DOCK9: variants seen among roughly 807,000 people sequenced by gnomAD.
The protein encoded by DOCK9 is dedicator of cytokinesis protein 9.
A neutral mutation model predicts 263.3 loss-of-function variants in DOCK9; 89 were observed. That is an observed-to-expected ratio of 0.34 (90% confidence interval 0.28 to 0.40). The LOEUF (loss-of-function observed/expected upper bound fraction) is 0.40, where lower values mean the gene tolerates loss of function less well. Ranked by LOEUF, DOCK9 falls within the 10% of genes least tolerant of loss-of-function variation. The pLI, the probability that DOCK9 is intolerant of heterozygous loss-of-function variation, is 1.00. For synonymous variants in DOCK9, 976 were observed against 973.1 expected, an observed-to-expected ratio of 1.00 and a Z score of -0.06; for missense variants, 2,140 against 2,603.4, an observed-to-expected ratio of 0.82 and a Z score of 3.87.
At chr13:99,055,004 G>A (rs1219515079) in intron 1 of DOCK9, among the ~76,000 whole-genome samples, 1 of 152,160 alleles carries the variant, frequency 6.6e-6, no homozygotes, top group Non-Finnish European at 1.5e-5. Context: ...GCTAATAGTA[G>A]AAATGAAGCA....
chr13:98,920,987 T>C lies in DOCK9; in HGVS notation c.684A>G (p.Ser228=), dbSNP rs758467794. 5 of 1,608,130 alleles carry C rather than the reference T, an allele frequency of 3.1e-6. No homozygotes were observed. In the Admixed American group the frequency reaches 8.4e-5, roughly 27 times the overall value. Residue 228 remains serine, a synonymous_variant, in exon 7 of 53, where the codon TCA becomes TCG. Coordinates refer to ENST00000682017, the MANE Select transcript of DOCK9 (RefSeq NM_001366683.2). ...DEKISKEPKG[S]IFLDSCMGVV... ...CACCCATACAGGAATCCAGAAATATTGATCCTTTTGGTTCTTTGGAGATCT... is the reference window on the plus strand; with the variant it reads ...CACCCATACAGGAATCCAGAAATATCGATCCTTTTGGTTCTTTGGAGATCT...
At chr13:98,815,642 C>T (rs1231692257) in intron 45 of DOCK9, among the ~76,000 whole-genome samples, 2 of 152,086 alleles carry the variant, frequency 1.3e-5, no homozygotes, top group Admixed American at 6.5e-5. Flanking sequence ...CCACCATGCC[C>T]GGCTAATTTT....
chr13:99,062,366 A>C (rs2041229635), intron 1 of DOCK9, among the ~76,000 whole-genome samples: 1 of 152,218 alleles, frequency 6.6e-6, no homozygotes, highest in South Asian at 2.1e-4. Context: ...GAATGACCTC[A>C]TGGGAAACCA....
At position 98,831,786 on chromosome 13, in the gene DOCK9, T is replaced by C; in HGVS notation, c.4315A>G (p.Asn1439Asp). 3 of 1,613,552 alleles carry C rather than the reference T, an allele frequency of 1.9e-6. No individual in the cohort carries two copies. The highest frequency in any genetic ancestry group is 2.5e-6 in the Non-Finnish European group (3 of 1,179,732). Residue 1439 changes from asparagine to aspartate, a missense_variant and splice_region_variant, in exon 40 of 53, where the codon AAC becomes GAC. Transcript: ENST00000682017. Reference protein sequence around the residue: ...TLSLFTLAFKNQLLADHGHNP... With the variant: ...TLSLFTLAFKDQLLADHGHNP... The stretch of plus-strand genomic sequence containing the variant: ...TGTCCATGGTCGGCCAGGAGCTGGT[T>C]CTTAAAACACACATTGACGGCTTTG...
chr13:98,819,160 C>G (rs1013316752), intron 45 of DOCK9, among the ~76,000 whole-genome samples: 9 of 152,146 alleles, frequency 5.9e-5, no homozygotes, highest in Non-Finnish European at 4.4e-5. Context: ...TCCCGGGCCC[C>G]ACACCCACCC....
rs557542592 is a variant in DOCK9, at chr13:99,047,052, A to G, written c.129+39171T>C. On this transcript the variant is annotated intron_variant, in intron 1 of 32. Coordinates refer to the DOCK9 transcript ENST00000427887. ...TTATTTAAAACACGGCCAAACAGCC[A>G]CTGACATCTGTGCAATTTTTGGTGG... 3.3e-5 allele frequency among the ~76,000 whole-genome samples: 5 copies of G among 150,660 alleles called. No individual in the cohort carries two copies. In the South Asian group the frequency reaches 1.1e-3, roughly 32 times the overall value.
At chr13:98,963,862 G>A (rs1246689386) in intron 1 of DOCK9, among the ~76,000 whole-genome samples, 1 of 152,204 alleles carries the variant, frequency 6.6e-6, no homozygotes, top group African/African-American at 2.4e-5. Flanking sequence ...ACAAGTGTGG[G>A]ACACACAAGC....
intron 23 of DOCK9, 120 bp downstream of exon 23, chr13:98,882,922 C>A: frequency 1.3e-6 from 1 of 756,602 alleles, no homozygotes; most frequent in South Asian, 1.9e-5. Flanking sequence ...ATAGAAGCTA[C>A]TGATGTGAGA....
At chr13:98,949,017 G>A (rs1440881321) in intron 2 of DOCK9, among the ~76,000 whole-genome samples, 2 of 152,166 alleles carry the variant, frequency 1.3e-5, no homozygotes, top group Non-Finnish European at 2.9e-5. Flanking sequence ...CAATAGGGGT[G>A]AACAAATCTC....
At chr13:98,969,035 T>C (rs2059467327) in intron 1 of DOCK9, among the ~76,000 whole-genome samples, 1 of 152,228 alleles carries the variant, frequency 6.6e-6, no homozygotes, top group Admixed American at 6.5e-5. Flanking sequence ...AATATGATGT[T>C]AGGGTTTCAG....
intron 2 of DOCK9, among the ~76,000 whole-genome samples, chr13:98,943,221 A>C (rs2056223960): frequency 6.6e-6 from 1 of 152,256 alleles, no homozygotes; most frequent in Admixed American, 6.5e-5. Context: ...AATGCTAAGC[A>C]GATGGGGAAG....
At chr13:98,972,835 G>A (rs1187522070) in intron 1 of DOCK9, among the ~76,000 whole-genome samples, 1 of 152,198 alleles carries the variant, frequency 6.6e-6, no homozygotes, top group East Asian at 1.9e-4. Context: ...GCATTCCAGA[G>A]GAATGAACCC....
intron 7 of DOCK9, among the ~76,000 whole-genome samples, chr13:98,915,900 A>G (rs191521781): frequency 5.5e-4 from 84 of 151,968 alleles, no homozygotes; most frequent in South Asian, 2.1e-4. Context: ...TTCATGTAAA[A>G]TTTTCATATT....
chr13:98,923,787 C>A (rs1457198771), intron 4 of DOCK9, among the ~76,000 whole-genome samples: 1 of 152,206 alleles, frequency 6.6e-6, no homozygotes, highest in African/African-American at 2.4e-5. Context: ...CAATAAGCAG[C>A]TTACATTTAC....
At chr13:98,996,769 G>C (rs1349719534) in intron 1 of DOCK9, among the ~76,000 whole-genome samples, 4 of 152,212 alleles carry the variant, frequency 2.6e-5, no homozygotes, top group Admixed American at 6.5e-5. Flanking sequence ...GTGTGGCCCA[G>C]GGAAGCCAAA....
intron 29 of DOCK9, 78 bp from the exon 30 acceptor site, chr13:98,867,614 T>C: frequency 1.1e-6 from 1 of 944,812 alleles, no homozygotes; most frequent in South Asian, 1.5e-5. Flanking sequence ...TTAGCAATAG[T>C]ATGCTAGAAA....
intron 36 of DOCK9, among the ~76,000 whole-genome samples, chr13:98,849,489 T>C (rs563678531): frequency 6.6e-6 from 1 of 152,136 alleles, no homozygotes; most frequent in East Asian, 1.9e-4. Flanking sequence ...GGATACAGTC[T>C]ATATGTAAAT....
chr13:99,043,849 G>A (rs58579108), intron 1 of DOCK9, among the ~76,000 whole-genome samples: 4,213 of 151,984 alleles, frequency 0.028, 180 homozygotes, highest in African/African-American at 0.096. Flanking sequence ...GCTTGTCCCC[G>A]CCCACTGCCC....
chr13:98,855,788 A>T, intron 34 of DOCK9, 110 bp downstream of exon 34: 1 of 1,371,562 alleles, frequency 7.3e-7, no homozygotes, highest in Non-Finnish European at 1.0e-6. Context: ...CGGGTGGTTT[A>T]GAAAAAAACA....
Sources: allele counts gnomAD v4.1 joint callset (sites outside exome capture counted in the v4.1 genomes callset), GRCh38; gene constraint gnomAD v4.1.1; transcripts MANE v1.5; gene names NCBI Gene and HGNC (gene_info 2026-07-23, HGNC 2026-07-21).